MCM9: variants seen among roughly 807,000 people sequenced by gnomAD.
MCM9 encodes DNA helicase MCM9.
In MCM9, 55 loss-of-function variants were observed where a neutral mutation model predicts 72.8. The ratio of observed to expected loss-of-function variants is 0.76; its 90% CI spans 0.61 to 0.95. MCM9 has a LOEUF of 0.95. Ranked by LOEUF, MCM9 falls within the 40% of genes least tolerant of loss-of-function variation. The pLI is 0.00. For synonymous variants in MCM9, 480 were observed against 503.4 expected (o/e 0.95, Z 0.62); for missense variants, 1,279 against 1,377.0 (o/e 0.93, Z 1.13).
At chr6:118,828,164 T>C (rs775909397) in intron 10 of MCM9, 34 bp from the exon 11 acceptor site, 1 of 1,484,330 alleles carries the variant, frequency 6.7e-7, no homozygotes, top group African/African-American at 1.4e-5. Context: ...AGTAAGTTCT[T>C]AGGACAGGCA....
chr6:118,820,402 G>T (rs562411623), intron 13 of MCM9, among the ~76,000 whole-genome samples: 2 of 152,254 alleles, frequency 1.3e-5, no homozygotes, highest in African/African-American at 4.8e-5. Flanking sequence ...TTGGGAGCAG[G>T]CTGTTCAGTT....
At chr6:118,900,573 T>C (rs375249418) in intron 8 of MCM9, among the ~76,000 whole-genome samples, 1 of 152,228 alleles carries the variant, frequency 6.6e-6, no homozygotes, top group African/African-American at 2.4e-5. Context: ...CAAAAGAGTA[T>C]TTTGAGAAAC....
intron 4 of MCM9, 75 bp downstream of exon 4, chr6:118,923,736 C>T: frequency 7.7e-7 from 1 of 1,304,496 alleles, no homozygotes; most frequent in Non-Finnish European, 1.1e-6. Flanking sequence ...TTCTGTGTTC[C>T]CTAATCCTCC....
At chr6:118,825,820 C>T (rs1227127683) in intron 13 of MCM9, among the ~76,000 whole-genome samples, 6 of 152,128 alleles carry the variant, frequency 3.9e-5, no homozygotes. Context: ...TTGCTTCTGT[C>T]ATTGCTGAGT....
chr6:118,862,123 G>C (rs934045348), intron 8 of MCM9, among the ~76,000 whole-genome samples: 9 of 152,256 alleles, frequency 5.9e-5, no homozygotes, highest in Non-Finnish European at 1.2e-4. Flanking sequence ...ACAGTCAGGA[G>C]TGGGGAAAGG....
At chr6:118,917,369 G>GA (rs1781049058) in intron 6 of MCM9, among the ~76,000 whole-genome samples, 192 bp downstream of exon 6, 1 of 152,146 alleles carries the variant, frequency 6.6e-6, no homozygotes, top group Middle Eastern at 3.2e-3. Flanking sequence ...CTCCAGGCAG[G>GA]TTGCTAAATA....
At chr6:118,864,361 G>A (rs1777088526) in intron 8 of MCM9, among the ~76,000 whole-genome samples, 1 of 152,064 alleles carries the variant, frequency 6.6e-6, no homozygotes, top group Non-Finnish European at 1.5e-5. Context: ...AAAGTGAAAG[G>A]ACAGAGAAAG....
intron 8 of MCM9, chr6:118,900,680 G>C (rs1025126735): frequency 6.4e-6 from 6 of 941,370 alleles, no homozygotes; most frequent in African/African-American, 1.6e-5. Context: ...CCAGTAAGTG[G>C]CTAAGTGGAC....
rs541823683 is a variant in MCM9 at position 118,861,574 on chromosome 6, C to T, written c.1151-5029G>A. Among the ~76,000 whole-genome samples the T allele has an allele frequency of 8.3e-4, 127 of 152,260 alleles. 1 individual carries two copies. Among genetic ancestry groups the T allele is most frequent in the African/African-American group, 2.8e-3 (117 of 41,528 alleles). On this transcript the variant is annotated intron_variant, in intron 8 of 13. Transcript: ENST00000619706. The stretch of plus-strand genomic sequence containing the variant: ...AGACCCGAAGTGGGTAGCTGCTTTC[C>T]GCAGGCAGGTTGTACTGACAAGTGT...
intron 8 of MCM9, among the ~76,000 whole-genome samples, chr6:118,866,531 A>T (rs2114277135): frequency 6.6e-6 from 1 of 152,348 alleles, no homozygotes. Flanking sequence ...TCTGAAGAGT[A>T]CTATAACTTA....
At chr6:118,894,019 C>T in intron 8 of MCM9, 4 of 988,624 alleles carry the variant, frequency 4.0e-6, no homozygotes, top group South Asian at 4.5e-5. Context: ...AGCCCTTATT[C>T]CACTCACTTT....
At chr6:118,878,280 A>T (rs954196606) in intron 8 of MCM9, among the ~76,000 whole-genome samples, 1 of 151,998 alleles carries the variant, frequency 6.6e-6, no homozygotes, top group African/African-American at 2.4e-5. Flanking sequence ...ATGTAAAGTT[A>T]AAAAAAAGCA....
At chr6:118,885,898 T>A (rs1250360019) in intron 8 of MCM9, among the ~76,000 whole-genome samples, 3 of 152,026 alleles carry the variant, frequency 2.0e-5, no homozygotes, top group Admixed American at 6.6e-5. Flanking sequence ...CGAATACAGA[T>A]GCAAAAATCC....
intron 8 of MCM9, among the ~76,000 whole-genome samples, chr6:118,902,877 G>A (rs1779898732): frequency 6.6e-6 from 1 of 152,142 alleles, no homozygotes; most frequent in South Asian, 2.1e-4. Flanking sequence ...CCATGATTTT[G>A]CCTCTCTAAA....
At chr6:118,890,191 C>G (rs539821694) in intron 8 of MCM9, among the ~76,000 whole-genome samples, 15 of 152,134 alleles carry the variant, frequency 9.9e-5, no homozygotes, top group Non-Finnish European at 2.1e-4. Flanking sequence ...GTTCATTAAT[C>G]AAGTCATTAC....
At chr6:118,835,739 G>A (rs1486551993) in intron 9 of MCM9, among the ~76,000 whole-genome samples, 6 of 152,162 alleles carry the variant, frequency 3.9e-5, no homozygotes, top group African/African-American at 1.4e-4. Context: ...ATCAGTTTAA[G>A]GAGATTTTGG....
chr6:118,832,296 C>G (rs1355449308), intron 9 of MCM9, among the ~76,000 whole-genome samples: 1 of 152,090 alleles, frequency 6.6e-6, no homozygotes, highest in Non-Finnish European at 1.5e-5. Flanking sequence ...ACTCCTGGCC[C>G]CAAGAATCCT....
chr6:118,921,782 T>C (rs1781450571), intron 5 of MCM9: 1 of 398,250 alleles, frequency 2.5e-6, no homozygotes, highest in African/African-American at 2.1e-5. Flanking sequence ...CAAGTCAGGT[T>C]CTTCATTCAT....
At chr6:118,914,741 G>A (rs1329398095) in intron 6 of MCM9, among the ~76,000 whole-genome samples, 1 of 152,128 alleles carries the variant, frequency 6.6e-6, no homozygotes, top group African/African-American at 2.4e-5. Context: ...AAATTGATCT[G>A]GGAATTACAT....
Sources: gnomAD v4.1 joint callset for allele counts (sites outside exome capture counted in the v4.1 genomes callset) on GRCh38, gnomAD v4.1.1 for gene constraint, MANE v1.5 for transcripts, NCBI Gene and HGNC (gene_info 2026-07-23, HGNC 2026-07-21) for gene names.